Variants in CSF2RA observed in about 807,000 individuals in gnomAD.
CSF2RA encodes the protein colony stimulating factor 2 receptor subunit alpha.
CSF2RA carries 42 observed loss-of-function variants against 51.6 expected under a neutral mutation model. The ratio of observed to expected loss-of-function variants is 0.81; its 90% CI spans 0.64 to 1.05. CSF2RA has a LOEUF of 1.05. Among genes scored for constraint, CSF2RA ranks in the 50% least tolerant of loss-of-function variants. The pLI, the probability that CSF2RA is intolerant of heterozygous loss-of-function variation, is 0.00. For synonymous variants in CSF2RA, 222 were observed against 193.0 expected, an observed-to-expected ratio of 1.15 and a Z score of -1.24; for missense variants, 530 against 501.1, an observed-to-expected ratio of 1.06 and a Z score of -0.55.
chrX:1,303,665 C>T (rs772472984), intron 10 of CSF2RA, among the ~76,000 whole-genome samples: 54 of 152,256 alleles, frequency 3.5e-4, no homozygotes, highest in African/African-American at 1.3e-3. Flanking sequence ...CGTGAGCCAC[C>T]GCATCCGGCC....
rs1316270930 is a variant in CSF2RA at position 1,284,376 on chromosome X, T to A, written c.77-1402T>A. 3.1e-3 allele frequency among the ~76,000 whole-genome samples: 282 copies of A among 90,904 alleles called. 3 individuals are homozygous for A. Among genetic ancestry groups the A allele is most frequent in the African/African-American group, 0.01 (276 of 26,338 alleles). 59.6% of individuals were successfully genotyped at this position (90,904 alleles called of 152,430 possible). On this transcript the variant is annotated intron_variant, in intron 3 of 12. Coordinates refer to ENST00000381529, the MANE Select transcript of CSF2RA (RefSeq NM_172245.4). ...CACCACCATGCCAAGCTAATTTAAA[T>A]TTTTTTTTTAATTTTATAGAGGAGA...
chrX:1,289,567 G>A (rs1469867557), intron 6 of CSF2RA, among the ~76,000 whole-genome samples: 2 of 150,936 alleles, frequency 1.3e-5, no homozygotes, highest in South Asian at 4.2e-4. Flanking sequence ...TTGGTTTCAC[G>A]TTTTTGTGGT....
chrX:1,317,904 T>A, the CSF2RA span, among the ~76,000 whole-genome samples: 82 of 152,016 alleles, frequency 5.4e-4, 1 homozygote, highest in African/African-American at 2.0e-3. Context: ...CATCCCAGGC[T>A]TAAACAATCC....
intron 2 of CSF2RA, among the ~76,000 whole-genome samples, chrX:1,279,997 C>G (rs1437286515): frequency 6.6e-6 from 1 of 151,874 alleles, no homozygotes; most frequent in Non-Finnish European, 1.5e-5. Flanking sequence ...ACCGTATTAG[C>G]CAAGCTGGTC....
At chrX:1,313,051 C>T (rs1569514437), downstream of CSF2RA, among the ~76,000 whole-genome samples, 1 of 152,106 alleles carries the variant, frequency 6.6e-6, no homozygotes. Flanking sequence ...CAAGGGAGCA[C>T]CACATTCCTG....
the CSF2RA span, among the ~76,000 whole-genome samples, chrX:1,317,568 A>T: frequency 2.8e-3 from 289 of 105,026 alleles, no homozygotes; most frequent in South Asian, 8.4e-3. Flanking sequence ...TTTTTATTTT[A>T]TTTTATTTTT....
At chrX:1,278,579 C>CG (rs1326109488) in intron 2 of CSF2RA, among the ~76,000 whole-genome samples, 1 of 119,544 alleles carries the variant, frequency 8.4e-6, no homozygotes, top group South Asian at 2.8e-4. Context: ...CCCAGCTACT[C>CG]GGAGGCTGAG....
At chrX:1,321,426 G>A in the CSF2RA span, among the ~76,000 whole-genome samples, 2 of 151,904 alleles carry the variant, frequency 1.3e-5, no homozygotes, top group Non-Finnish European at 2.9e-5. Context: ...CCGAGATCGT[G>A]CCACTGCACT....
chrX:1,298,650 G>T (rs867603961), intron 9 of CSF2RA, among the ~76,000 whole-genome samples: 1 of 5,828 alleles, frequency 1.7e-4, no homozygotes, highest in East Asian at 6.7e-3. Flanking sequence ...ACCCCTGGTG[G>T]AACCCTACAG....
At chrX:1,314,984 G>A (rs367851719), downstream of CSF2RA, among the ~76,000 whole-genome samples, 55 of 38,942 alleles carry the variant, frequency 1.4e-3, 5 homozygotes, top group African/African-American at 4.2e-3. Flanking sequence ...CTGCCCAATC[G>A]CACTGCACCT....
the CSF2RA span, among the ~76,000 whole-genome samples, chrX:1,321,466 C>T: frequency 6.7e-6 from 1 of 148,802 alleles, no homozygotes; most frequent in Non-Finnish European, 1.5e-5. Context: ...GAGACTCCAT[C>T]TCAAAAATAA....
At chrX:1,280,274 C>G (rs2089720837) in intron 2 of CSF2RA, among the ~76,000 whole-genome samples, 1 of 151,846 alleles carries the variant, frequency 6.6e-6, no homozygotes, top group South Asian at 2.1e-4. Flanking sequence ...GAGTTCGAGC[C>G]CAGCCTGGCC....
At chrX:1,297,657 GAGT>G (rs2092054313) in intron 9 of CSF2RA, among the ~76,000 whole-genome samples, 11 of 57,308 alleles carry the variant, frequency 1.9e-4, no homozygotes, top group East Asian at 3.8e-4. Flanking sequence ...ATGACCCCTG[GAGT>G]AACCCTACAG....
the CSF2RA span, among the ~76,000 whole-genome samples, chrX:1,318,313 G>A: frequency 0.031 from 4,738 of 151,678 alleles, 262 homozygotes; most frequent in African/African-American, 0.11. Context: ...ACAGGCATAC[G>A]CCACCACACC....
At chrX:1,324,046 A>G in the CSF2RA span, among the ~76,000 whole-genome samples, 3 of 151,454 alleles carry the variant, frequency 2.0e-5, no homozygotes, top group Non-Finnish European at 4.4e-5. Context: ...TTAGCTGGAC[A>G]TGGTAGCATG....
At chrX:1,288,122 T>C in intron 4 of CSF2RA, among the ~76,000 whole-genome samples, 1 of 152,134 alleles carries the variant, frequency 6.6e-6, no homozygotes, top group Non-Finnish European at 1.5e-5. Flanking sequence ...CTCAGAGCCC[T>C]CGGAGGAAGC....
In CSF2RA at chrX:1,307,925, T is replaced by G. The variant is rs748630234; in HGVS notation, c.1126-1477T>G. Among the ~76,000 whole-genome samples the G allele has an allele frequency of 6.6e-5, 10 of 150,708 alleles. 1 individual carries two copies. The South Asian group carries it at 1.7e-3, about 26-fold the overall frequency. ...AGACCCACCCTTCCCATTTAGACCT[T>G]CAACTCATTAGATGAAGCCCACCCT... On this transcript the variant is annotated intron_variant, in intron 12 of 12. Transcript: ENST00000381529.
chrX:1,318,850 G>T, the CSF2RA span, among the ~76,000 whole-genome samples: 1 of 148,942 alleles, frequency 6.7e-6, no homozygotes. Flanking sequence ...CCGGGAGGCG[G>T]AGCTTGCAGT....
Position 1,309,866 on chromosome X carries a change from T to A in CSF2RA, c.*387T>A, listed in dbSNP as rs1423392537. On this transcript the variant is annotated 3_prime_UTR_variant, in exon 13 of 13. Transcript: ENST00000381529. ...TCGCACCATTGCACACCAACCTGCG[T>A]GACAGAGCAAGATTGCATCTCAAAA... 1.7e-6 allele frequency: 1 copy of A among 593,386 alleles called. No homozygotes were observed. The highest frequency in any genetic ancestry group is 2.1e-5 in the South Asian group (1 of 46,624). 36.8% of individuals were successfully genotyped at this position (593,386 alleles called of 1,614,324 possible). A position where few individuals can be genotyped will look rare whatever the true frequency, so the allele number is the denominator to read the frequency against.
Sources: gnomAD v4.1 joint callset for allele counts (sites outside exome capture counted in the v4.1 genomes callset) on GRCh38, gnomAD v4.1.1 for gene constraint, MANE v1.5 for transcripts, NCBI Gene and HGNC (gene_info 2026-07-23, HGNC 2026-07-21) for gene names.